Variants in ELMO1 observed in about 807,000 individuals in gnomAD.
ELMO1 encodes the protein engulfment and cell motility 1.
A neutral mutation model predicts 98.9 loss-of-function variants in ELMO1; 26 were observed. The ratio of observed to expected loss-of-function variants is 0.26; its 90% CI spans 0.19 to 0.36. The LOEUF is 0.36. Ranked by LOEUF, ELMO1 falls within the 10% of genes least tolerant of loss-of-function variation. ELMO1 has a pLI of 1.00. For missense variants in ELMO1, 627 were observed against 935.2 expected (o/e 0.67, Z 4.30); for synonymous variants, 346 against 346.0 (o/e 1.00, Z 0.00).
chr7:37,315,153 C>T (rs964462474), intron 3 of ELMO1, among the ~76,000 whole-genome samples: 9 of 152,168 alleles, frequency 5.9e-5, no homozygotes, highest in African/African-American at 2.2e-4. Context: ...TACTGCTCAC[C>T]TTTAAGCAGT....
At chr7:36,895,084 G>C in intron 16 of ELMO1, 67 bp from the exon 17 acceptor site, 1 of 1,579,246 alleles carries the variant, frequency 6.3e-7, no homozygotes, top group Non-Finnish European at 8.6e-7. Context: ...AAGTCTTTCC[G>C]AGTTAAGGGC....
intron 1 of ELMO1, among the ~76,000 whole-genome samples, chr7:37,362,616 T>C (rs1801740528): frequency 6.6e-6 from 1 of 152,052 alleles, no homozygotes; most frequent in Non-Finnish European, 1.5e-5. Context: ...CCTTCCTTCT[T>C]CCCTCCCTCC....
At chr7:36,876,335 G>A (rs1014796168) in intron 19 of ELMO1, among the ~76,000 whole-genome samples, 9 of 151,720 alleles carry the variant, frequency 5.9e-5, no homozygotes, top group African/African-American at 2.2e-4. Flanking sequence ...TCTTGTAATC[G>A]AGGGTCCTTT....
At chr7:37,396,539 A>T (rs780882645) in intron 1 of ELMO1, among the ~76,000 whole-genome samples, 2 of 152,240 alleles carry the variant, frequency 1.3e-5, no homozygotes, top group Non-Finnish European at 2.9e-5. Flanking sequence ...TTTGGGGGCT[A>T]TCTTTTCTAA....
intron 1 of ELMO1, among the ~76,000 whole-genome samples, chr7:37,391,298 G>T (rs1562661167): frequency 6.6e-6 from 1 of 151,992 alleles, no homozygotes; most frequent in Non-Finnish European, 1.5e-5. Flanking sequence ...TGTATTTTTA[G>T]TAGAGATGGG....
intron 16 of ELMO1, 61 bp from the exon 17 acceptor site, chr7:36,895,078 C>G: frequency 6.3e-7 from 1 of 1,591,126 alleles, no homozygotes. Flanking sequence ...TCAGAAAAGT[C>G]TTTCCGAGTT....
At chr7:37,152,352 A>G (rs548965088) in intron 13 of ELMO1, among the ~76,000 whole-genome samples, 4 of 152,006 alleles carry the variant, frequency 2.6e-5, no homozygotes, top group African/African-American at 9.7e-5. Flanking sequence ...CTTCATTTGA[A>G]GCTGGGTGCA....
At chr7:36,893,661 G>T (rs1295743195) in intron 17 of ELMO1, among the ~76,000 whole-genome samples, 2 of 152,086 alleles carry the variant, frequency 1.3e-5, no homozygotes, top group African/African-American at 4.8e-5. Context: ...AAGAAGCTAG[G>T]GCAGGGCAAA....
At chr7:36,874,617 T>C (rs6462721) in intron 19 of ELMO1, among the ~76,000 whole-genome samples, 145,605 of 152,308 alleles carry the variant, frequency 0.96, 69,670 homozygotes, top group East Asian at 1. Flanking sequence ...TCGCCGCTCT[T>C]CGCATCCACT....
At chr7:36,887,275 T>C (rs1194663270) in intron 18 of ELMO1, among the ~76,000 whole-genome samples, 2 of 152,210 alleles carry the variant, frequency 1.3e-5, no homozygotes, top group African/African-American at 4.8e-5. Context: ...ACCTGGCACA[T>C]GGTAGGCTCA....
chr7:36,876,139 G>C (rs1803940330), intron 19 of ELMO1, among the ~76,000 whole-genome samples: 1 of 152,196 alleles, frequency 6.6e-6, no homozygotes, highest in East Asian at 1.9e-4. Flanking sequence ...GCAGAGCAGT[G>C]ATTCCACATC....
chr7:37,210,878 TA>T (rs559208011), intron 13 of ELMO1, among the ~76,000 whole-genome samples: 6 of 149,098 alleles, frequency 4.0e-5, no homozygotes, highest in South Asian at 2.1e-4. Context: ...ATTTGCAAAC[TA>T]AAAAAAAAAT....
intron 14 of ELMO1, among the ~76,000 whole-genome samples, chr7:37,127,898 A>G (rs1328902314): frequency 6.6e-6 from 1 of 152,156 alleles, no homozygotes; most frequent in Non-Finnish European, 1.5e-5. Context: ...AAATACATCA[A>G]GAACATAAAT....
intron 1 of ELMO1, among the ~76,000 whole-genome samples, chr7:37,391,013 TTCCTTCC>T (rs1040516278): frequency 9.2e-6 from 1 of 109,150 alleles, no homozygotes; most frequent in Non-Finnish European, 1.6e-5. Flanking sequence ...AGTCCCTTCC[TTCCTTCC>T]TTCCTTCCTT....
At chr7:37,103,458 A>G (rs6971489) in intron 14 of ELMO1, among the ~76,000 whole-genome samples, 47,260 of 148,026 alleles carry the variant, frequency 0.32, 10,241 homozygotes, top group African/African-American at 0.62. Context: ...TCATAGGTGG[A>G]AATTGAACAA....
intron 1 of ELMO1, among the ~76,000 whole-genome samples, chr7:37,444,658 A>G (rs939741144): frequency 1.4e-4 from 21 of 150,384 alleles, no homozygotes; most frequent in African/African-American, 5.2e-4. Context: ...GACTACAGGC[A>G]CCCACTACCA....
chr7:37,277,860 T>C (rs1796929148), intron 4 of ELMO1, among the ~76,000 whole-genome samples: 1 of 152,246 alleles, frequency 6.6e-6, no homozygotes, highest in Non-Finnish European at 1.5e-5. Flanking sequence ...CATAACTTTA[T>C]TCTTCCAGAA....
At chr7:37,341,026 G>A (rs139603950) in intron 2 of ELMO1, among the ~76,000 whole-genome samples, 26 of 152,346 alleles carry the variant, frequency 1.7e-4, no homozygotes, top group Non-Finnish European at 3.4e-4. Context: ...AGCTCAGCAC[G>A]TCTCAGATTG....
intron 15 of ELMO1, among the ~76,000 whole-genome samples, chr7:37,027,565 GA>G (rs1463429146): frequency 1.3e-5 from 2 of 152,156 alleles, no homozygotes; most frequent in Non-Finnish European, 2.9e-5. Flanking sequence ...TGTGAGATTC[GA>G]AAGGATAGAG....
Sources: allele counts gnomAD v4.1 joint callset (sites outside exome capture counted in the v4.1 genomes callset), GRCh38; gene constraint gnomAD v4.1.1; transcripts MANE v1.5; gene names NCBI Gene and HGNC (gene_info 2026-07-23, HGNC 2026-07-21).